RBM27: variants seen among roughly 807,000 people sequenced by gnomAD.
RBM27 encodes RNA-binding protein 27.
In RBM27, 22 loss-of-function variants were observed where a neutral mutation model predicts 135.3. The ratio of observed to expected loss-of-function variants is 0.16; its 90% CI spans 0.12 to 0.23. The LOEUF (loss-of-function observed/expected upper bound fraction) is 0.23. Ranked by LOEUF, RBM27 falls within the 10% of genes least tolerant of loss-of-function variation. The pLI is 1.00. For missense variants in RBM27, 1,009 were observed against 1,281.0 expected, an observed-to-expected ratio of 0.79 and a Z score of 3.24; for synonymous variants, 481 against 442.4, an observed-to-expected ratio of 1.09 and a Z score of -1.10.
chr5:146,256,505 A>G (rs1334123468), intron 10 of RBM27, among the ~76,000 whole-genome samples: 1 of 151,234 alleles, frequency 6.6e-6, no homozygotes, highest in Admixed American at 6.6e-5. Flanking sequence ...GTGCACCACC[A>G]CAACCCTGCT....
chr5:146,215,033 T>C (rs996068077), intron 1 of RBM27, among the ~76,000 whole-genome samples: 6 of 152,192 alleles, frequency 3.9e-5, no homozygotes, highest in Non-Finnish European at 7.3e-5. Context: ...GCTAAATATA[T>C]GTAAAAGATA....
intron 19 of RBM27, among the ~76,000 whole-genome samples, chr5:146,273,772 A>G (rs1319753178): frequency 2.0e-5 from 3 of 152,236 alleles, no homozygotes; most frequent in Admixed American, 6.5e-5. Flanking sequence ...TGGGTGAGCC[A>G]TATCTATATG....
At chr5:146,211,464 C>CTTTTT (rs57117642) in intron 1 of RBM27, among the ~76,000 whole-genome samples, 879 of 49,986 alleles carry the variant, frequency 0.018, 23 homozygotes, top group Middle Eastern at 0.04. Context: ...ATGGTCTTAT[C>CTTTTT]TTTTTTTTTT....
chr5:146,265,752 C>T (rs1561560019), intron 14 of RBM27, among the ~76,000 whole-genome samples: 1 of 152,120 alleles, frequency 6.6e-6, no homozygotes, highest in Non-Finnish European at 1.5e-5. Context: ...TATTCTAAAA[C>T]CCATCTGTGA....
chr5:146,248,149 A>G (rs1757710986), intron 8 of RBM27, among the ~76,000 whole-genome samples: 1 of 150,708 alleles, frequency 6.6e-6, no homozygotes, highest in African/African-American at 2.4e-5. Flanking sequence ...AACATTTGAT[A>G]TGTTTCACTC....
Position 146,225,471 on chromosome 5 carries a change from A to AT in RBM27, c.303+1946dup, listed in dbSNP as rs535415574. On this transcript the variant is annotated intron_variant, in intron 3 of 20. Coordinates refer to ENST00000265271, the MANE Select transcript of RBM27 (RefSeq NM_018989.2). Reference sequence around the variant, plus strand: ...TTTTCTTTTTATATCATGCCCTGTAATTATCTCATCAAGTTCTTTCAAAAT... The same window carrying AT: ...TTTTCTTTTTATATCATGCCCTGTAATTTATCTCATCAAGTTCTTTCAAAAT... Among the ~76,000 whole-genome samples, 417 of 152,096 alleles carry AT rather than the reference A, an allele frequency of 2.7e-3. 1 individual carries two copies. Among genetic ancestry groups the AT allele is most frequent in the Non-Finnish European group, 4.2e-3 (286 of 67,998 alleles).
At chr5:146,233,410 A>G in intron 6 of RBM27, 40 bp from the exon 7 acceptor site, 6 of 1,496,300 alleles carry the variant, frequency 4.0e-6, no homozygotes, top group Non-Finnish European at 5.3e-6. Context: ...AACTCTAAGT[A>G]GATGATAATA....
Position 146,269,497 on chromosome 5 carries a change from G to A in RBM27, c.2604G>A (p.Glu868=), listed in dbSNP as rs1411327968. Reference sequence around the variant, plus strand: ...CAAATATAATGAAGACTTTGAAAGAGCTTGGAGAGAAGATCTCACAATTAA... The same window carrying A: ...CAAATATAATGAAGACTTTGAAAGAACTTGGAGAGAAGATCTCACAATTAA... ...ERANIMKTLK[E]LGEKISQLKD... The change falls in exon 17 of 21, where the codon GAG becomes GAA. Residue 868 remains glutamate (E), a synonymous_variant. Transcript: ENST00000265271. The A allele has an allele frequency of 6.3e-7, 1 of 1,585,320 alleles. No homozygotes were observed. Among genetic ancestry groups the A allele is most frequent in the Non-Finnish European group, 8.6e-7 (1 of 1,168,238 alleles).
chr5:146,257,567 T>C (rs374059822), intron 10 of RBM27, among the ~76,000 whole-genome samples: 2 of 152,324 alleles, frequency 1.3e-5, no homozygotes, highest in East Asian at 1.9e-4. Context: ...TTGAATCTCT[T>C]GAAATTAATT....
Position 146,261,683 on chromosome 5 carries a change from G to A in RBM27, c.2067G>A (p.Leu689=), listed in dbSNP as rs1425036176. ...TACAGTCCTCAGCACAGCTGCTCCT[G>A]CAACAACAGCAAACACTTAGTCACC... is the stretch of plus-strand genomic sequence containing the variant. ...PTLQSSAQLL[L]QQQQTLSHLS... The change falls in exon 13 of 21, where the codon CTG becomes CTA. Residue 689 remains leucine (L), a synonymous_variant. Transcript: ENST00000265271. The A allele has an allele frequency of 1.2e-6, 2 of 1,614,156 alleles. No individual in the cohort carries two copies. Among genetic ancestry groups the A allele is most frequent in the Non-Finnish European group, 1.7e-6 (2 of 1,180,020 alleles).
chr5:146,222,807 CA>C (rs770488303), intron 2 of RBM27, among the ~76,000 whole-genome samples: 6 of 152,074 alleles, frequency 3.9e-5, no homozygotes, highest in Admixed American at 1.3e-4. Context: ...AAGTAAAACA[CA>C]AAAAGTTAGT....
Position 146,263,634 on chromosome 5 carries a change from A to G in RBM27, c.2331+3A>G, listed in dbSNP as rs1211559942. On this transcript the variant is annotated splice_donor_region_variant and intron_variant, in intron 14 of 20. Transcript: ENST00000265271. The stretch of plus-strand genomic sequence containing the variant: ...GTGGTGCTGGAGAAGATTGCCAGGT[A>G]TGCATTTTTGGGAGCTTCAGATATA... The G allele has an allele frequency of 1.2e-6, 2 of 1,613,190 alleles. No homozygotes were observed. Among genetic ancestry groups the G allele is most frequent in the Non-Finnish European group, 1.7e-6 (2 of 1,179,742 alleles).
intron 15 of RBM27, 122 bp downstream of exon 15, chr5:146,267,890 C>A: frequency 1.0e-6 from 1 of 996,114 alleles, no homozygotes. Flanking sequence ...GCTTATTTAG[C>A]TTCTTCTCTA....
intron 2 of RBM27, among the ~76,000 whole-genome samples, chr5:146,222,105 G>T (rs1756484950): frequency 6.7e-6 from 1 of 149,444 alleles, no homozygotes; most frequent in Non-Finnish European, 1.5e-5. Flanking sequence ...AAAGTATTCT[G>T]ATTATAGAGG....
At chr5:146,229,958 C>G in intron 5 of RBM27, 48 bp downstream of exon 5, 2 of 1,598,724 alleles carry the variant, frequency 1.3e-6, no homozygotes, top group East Asian at 2.2e-5. Context: ...ATTTATCTGT[C>G]TCTATCACAG....
chr5:146,240,699 C>G (rs1253908249), intron 8 of RBM27, among the ~76,000 whole-genome samples: 1 of 152,038 alleles, frequency 6.6e-6, no homozygotes, highest in African/African-American at 2.4e-5. Context: ...ATATATAGGC[C>G]TACTGTTTGA....
intron 6 of RBM27, among the ~76,000 whole-genome samples, chr5:146,232,968 A>G (rs1416257447): frequency 1.3e-5 from 2 of 152,204 alleles, no homozygotes; most frequent in Non-Finnish European, 2.9e-5. Context: ...CAGTGCTACA[A>G]GTGATAACCT....
At chr5:146,254,308 A>G (rs1323765858) in intron 9 of RBM27, among the ~76,000 whole-genome samples, 1 of 152,214 alleles carries the variant, frequency 6.6e-6, no homozygotes, top group Non-Finnish European at 1.5e-5. Context: ...AAAATTAGAA[A>G]AAAAAGTGCA....
At chr5:146,212,651 G>A (rs1756016851) in intron 1 of RBM27, among the ~76,000 whole-genome samples, 1 of 152,228 alleles carries the variant, frequency 6.6e-6, no homozygotes, top group African/African-American at 2.4e-5. Flanking sequence ...ACTGTGCCTG[G>A]CCATAACCAT....
Sources: allele counts gnomAD v4.1 joint callset (sites outside exome capture counted in the v4.1 genomes callset), GRCh38; gene constraint gnomAD v4.1.1; transcripts MANE v1.5; gene names NCBI Gene and HGNC (gene_info 2026-07-23, HGNC 2026-07-21).